The following CS variants were observed in gnomAD, a reference collection of about 807,000 sequenced individuals.
The protein encoded by CS is citrate synthase, mitochondrial.
A neutral mutation model predicts 61.4 loss-of-function variants in CS; 13 were observed. The ratio of observed to expected loss-of-function variants is 0.21; its 90% CI spans 0.14 to 0.34. The LOEUF is 0.34. Among genes scored for constraint, CS ranks in the 10% least tolerant of loss-of-function variants. CS has a pLI of 1.00. For missense variants in CS, 278 were observed against 573.4 expected, an observed-to-expected ratio of 0.48 and a Z score of 5.26; for synonymous variants, 159 against 215.2, an observed-to-expected ratio of 0.74 and a Z score of 2.29.
chr12:56,288,243 A>T lies in CS; in HGVS notation c.43-1598T>A, dbSNP rs115398937. Among the ~76,000 whole-genome samples, 271 of 152,312 alleles carry T rather than the reference A, an allele frequency of 1.8e-3. 2 individuals carry two copies. The highest frequency in any genetic ancestry group is 6.1e-3 in the African/African-American group (252 of 41,576). On this transcript the variant is annotated intron_variant, in intron 1 of 10. Transcript: ENST00000351328. Reference sequence around the variant, plus strand: ...CAAGGCTGCACCTGTCCTTTTGTCAAAAGACCAGAGGCACCTTTTCTAGTA... The same window carrying T: ...CAAGGCTGCACCTGTCCTTTTGTCATAAGACCAGAGGCACCTTTTCTAGTA...
chr12:56,275,592 A>G (rs2135910026), intron 7 of CS: 1 of 218,182 alleles, frequency 4.6e-6, no homozygotes, highest in Non-Finnish European at 9.0e-6. Flanking sequence ...AAAAAAAAGC[A>G]TCCTAATCTC....
Position 56,282,939 on chromosome 12 carries a change from T to C in CS, c.320A>G (p.Lys107Arg). The C allele has an allele frequency of 6.2e-7, 1 of 1,614,162 alleles. No individual in the cohort carries two copies. ...SIPECQKLLP[K>R]AKGGEEPLPE... Reference sequence around the variant, plus strand: ...CAGGGGTTCTTCCCCACCCTTAGCCTTGGGTAGCAGTTTCTGGCATTCAGG... The same window carrying C: ...CAGGGGTTCTTCCCCACCCTTAGCCCTGGGTAGCAGTTTCTGGCATTCAGG... The change falls in exon 5 of 11, where the codon AAG becomes AGG. Residue 107 changes from lysine (K) to arginine (R), a missense_variant. Physicochemically the swap from Lys to Arg is conservative, Grantham distance 26. Coordinates refer to ENST00000351328, the MANE Select transcript of CS (RefSeq NM_004077.3).
At chr12:56,299,041 CAA>C (rs112718114) in intron 1 of CS, among the ~76,000 whole-genome samples, 6 of 134,918 alleles carry the variant, frequency 4.4e-5, no homozygotes, top group South Asian at 2.4e-4. Flanking sequence ...TATCCTGTCT[CAA>C]AAAAAAAAAA....
chr12:56,278,258 G>A (rs1322420285), intron 6 of CS, among the ~76,000 whole-genome samples: 2 of 152,162 alleles, frequency 1.3e-5, no homozygotes, highest in Non-Finnish European at 2.9e-5. Flanking sequence ...GGCCTTCTGA[G>A]TAGCTGGGAT....
intron 6 of CS, among the ~76,000 whole-genome samples, chr12:56,279,984 C>CA (rs369532115): frequency 6.6e-6 from 1 of 150,866 alleles, no homozygotes; most frequent in South Asian, 2.1e-4. Flanking sequence ...CAAAACAAAA[C>CA]AAACAAACAA....
intron 1 of CS, among the ~76,000 whole-genome samples, chr12:56,290,964 T>C (rs1374560269): frequency 6.6e-6 from 1 of 152,072 alleles, no homozygotes; most frequent in Non-Finnish European, 1.5e-5. Flanking sequence ...ATCCAAACAG[T>C]TTAGATATGG....
chr12:56,299,129 AG>A (rs1387354582), intron 1 of CS, among the ~76,000 whole-genome samples: 7 of 152,070 alleles, frequency 4.6e-5, no homozygotes, highest in Non-Finnish European at 1.0e-4. Context: ...AATTATCCGC[AG>A]GAAAAACTAA....
Position 56,273,807 on chromosome 12 carries a change from T to C in CS, c.1021-11A>G. 2 of 1,602,764 alleles carry C rather than the reference T, an allele frequency of 1.2e-6. No homozygotes were observed. Among genetic ancestry groups the C allele is most frequent in the Non-Finnish European group, 1.7e-6 (2 of 1,170,316 alleles). On this transcript the variant is annotated splice_polypyrimidine_tract_variant and intron_variant, in intron 9 of 10. Transcript: ENST00000351328. ...ATAGCCTGGAACAACCTGTAAAGAGTGAGGAAAAAAGATAGTATTCTCAGT... is the reference window on the plus strand; with the variant it reads ...ATAGCCTGGAACAACCTGTAAAGAGCGAGGAAAAAAGATAGTATTCTCAGT...
Position 56,271,741 on chromosome 12 carries a change from A to C in CS, c.*1343T>G. On this transcript the variant is annotated 3_prime_UTR_variant, in exon 11 of 11. Coordinates refer to ENST00000351328, the MANE Select transcript of CS (RefSeq NM_004077.3). ...TTTATTTTGCATTTTATACAGAACA[A>C]CCTGAAGTCTCCATCATGACTTGAC... 1 of 362,208 alleles carries C rather than the reference A, an allele frequency of 2.8e-6. No homozygotes were observed. The highest frequency in any genetic ancestry group is 5.5e-6 in the Non-Finnish European group (1 of 183,038). The allele number at this position is 362,208 out of a possible 1,614,324, so 22.4% of individuals were successfully genotyped here.
intron 3 of CS, 122 bp downstream of exon 3, chr12:56,285,794 C>A: frequency 1.2e-6 from 1 of 800,886 alleles, no homozygotes; most frequent in South Asian, 1.5e-5. Flanking sequence ...AAAAGTCATC[C>A]TAAAGCTGTC....
At position 56,273,676 on chromosome 12, in the gene CS, A is replaced by G. The variant is rs1872564725; in HGVS notation, c.1141T>C (p.Tyr381His). ...DPMFKLVAQLYKIVPNVLLEQ... is the reference protein window; with the variant it reads ...DPMFKLVAQLHKIVPNVLLEQ... Reference sequence around the variant, plus strand: ...AAGAGGACATTGGGCACAATCTTGTACAGCTGAGCAACCAACTTAAACATG... The same window carrying G: ...AAGAGGACATTGGGCACAATCTTGTGCAGCTGAGCAACCAACTTAAACATG... The change falls in exon 10 of 11, where the codon TAC becomes CAC. Residue 381 changes from tyrosine (Y) to histidine (H), a missense_variant. Coordinates refer to ENST00000351328, the MANE Select transcript of CS (RefSeq NM_004077.3). 6.2e-7 allele frequency: 1 copy of G among 1,614,208 alleles called. No homozygotes were observed. Among genetic ancestry groups the G allele is most frequent in the Admixed American group, 1.7e-5 (1 of 60,024 alleles).
intron 6 of CS, among the ~76,000 whole-genome samples, chr12:56,276,667 G>A (rs892618442): frequency 8.5e-5 from 13 of 152,088 alleles, no homozygotes; most frequent in Non-Finnish European, 1.3e-4. Context: ...TCAGCCTCCT[G>A]AGTAGCTGGG....
chr12:56,291,917 C>T (rs1285503473), intron 1 of CS: 1 of 152,200 alleles, frequency 6.6e-6, no homozygotes, highest in Non-Finnish European at 1.5e-5. Context: ...GTTTTTCCCC[C>T]ACAATCACTA....
At chr12:56,292,454 C>A (rs1212170291) in intron 1 of CS, among the ~76,000 whole-genome samples, 2 of 151,654 alleles carry the variant, frequency 1.3e-5, no homozygotes, top group East Asian at 3.9e-4. Flanking sequence ...TGTGAGGTCC[C>A]ATTCCAGCCA....
chr12:56,287,492 A>C (rs1872976956), intron 1 of CS, among the ~76,000 whole-genome samples: 1 of 141,678 alleles, frequency 7.1e-6, no homozygotes, highest in African/African-American at 2.7e-5. Flanking sequence ...AAAAAAAAAA[A>C]AAAAAAAAAA....
At chr12:56,280,197 C>T (rs1468019004) in intron 6 of CS, among the ~76,000 whole-genome samples, 1 of 151,844 alleles carries the variant, frequency 6.6e-6, no homozygotes. Flanking sequence ...GGGCAGATCA[C>T]GAGGTCAGAG....
chr12:56,291,111 A>T, intron 1 of CS: 2 of 484,856 alleles, frequency 4.1e-6, no homozygotes, highest in Non-Finnish European at 6.5e-6. Flanking sequence ...CAGAGTAGTT[A>T]AGTAAACTAA....
Position 56,276,746 on chromosome 12 carries a change from G to T in CS, c.589-551C>A, listed in dbSNP as rs568425451. On this transcript the variant is annotated intron_variant, in intron 6 of 10. Transcript: ENST00000351328. ...AGTAGAGACGGGGTTTCTCCATGTTGGTTAGGCTAGTCTAGAAACTCCCGA... is the reference window on the plus strand; with the variant it reads ...AGTAGAGACGGGGTTTCTCCATGTTTGTTAGGCTAGTCTAGAAACTCCCGA... 3.3e-5 allele frequency among the ~76,000 whole-genome samples: 5 copies of T among 152,190 alleles called. No homozygotes were observed. In the East Asian group the frequency reaches 9.7e-4, roughly 29 times the overall value.
chr12:56,289,505 C>T (rs563161751), intron 1 of CS, among the ~76,000 whole-genome samples: 6 of 151,820 alleles, frequency 4.0e-5, no homozygotes, highest in South Asian at 2.1e-4. Context: ...TGCAGTGGTG[C>T]GATCTCAGCT....
Sources: gnomAD v4.1 joint callset for allele counts (sites outside exome capture counted in the v4.1 genomes callset) on GRCh38, gnomAD v4.1.1 for gene constraint, MANE v1.5 for transcripts, NCBI Gene and HGNC (gene_info 2026-07-23, HGNC 2026-07-21) for gene names.